FAF1: variants seen among roughly 807,000 people sequenced by gnomAD.
FAF1 encodes FAS-associated factor 1.
In FAF1, 25 loss-of-function variants were observed where a neutral mutation model predicts 92.5. That is an observed-to-expected ratio of 0.27 (90% CI 0.20 to 0.38). The LOEUF is 0.38. FAF1 is among the 10% of genes least tolerant of loss of function. The pLI is 1.00. For synonymous variants in FAF1, 234 were observed against 273.2 expected, an observed-to-expected ratio of 0.86 and a Z score of 1.42; for missense variants, 636 against 793.3, an observed-to-expected ratio of 0.80 and a Z score of 2.38.
intron 8 of FAF1, among the ~76,000 whole-genome samples, chr1:50,624,169 A>G (rs2124186430): frequency 6.6e-6 from 1 of 152,058 alleles, no homozygotes; most frequent in South Asian, 2.1e-4. Flanking sequence ...TTTTTTTCAG[A>G]TGCAGTCTAT....
chr1:50,678,288 G>T (rs1453198750), intron 7 of FAF1, among the ~76,000 whole-genome samples: 1 of 152,210 alleles, frequency 6.6e-6, no homozygotes, highest in Admixed American at 6.5e-5. Flanking sequence ...ATAGTTCAAG[G>T]GGGGTGGGAG....
intron 15 of FAF1, among the ~76,000 whole-genome samples, chr1:50,503,684 G>A (rs1647020286): frequency 6.6e-6 from 1 of 151,946 alleles, no homozygotes; most frequent in African/African-American, 2.4e-5. Context: ...TATCCATGTG[G>A]TGGAATACTA....
At chr1:50,812,602 G>A (rs1457578607) in intron 2 of FAF1, among the ~76,000 whole-genome samples, 1 of 152,170 alleles carries the variant, frequency 6.6e-6, no homozygotes, top group Non-Finnish European at 1.5e-5. Flanking sequence ...CAGAGAAAAG[G>A]GAGTGCTTAC....
At chr1:50,821,335 A>G (rs188624815) in intron 2 of FAF1, among the ~76,000 whole-genome samples, 12 of 152,320 alleles carry the variant, frequency 7.9e-5, no homozygotes, top group East Asian at 5.8e-4. Flanking sequence ...GCCAGAAATC[A>G]TATTTTTTTA....
At chr1:50,903,280 C>T (rs1037072020) in intron 1 of FAF1, among the ~76,000 whole-genome samples, 11 of 152,204 alleles carry the variant, frequency 7.2e-5, no homozygotes, top group Non-Finnish European at 1.3e-4. Flanking sequence ...CTTAATTATC[C>T]CTACCCTCTA....
rs978246761 is a variant in FAF1 at position 50,651,291 on chromosome 1, A to G, written c.744+4151T>C. 9.8e-5 allele frequency among the ~76,000 whole-genome samples: 15 copies of G among 152,358 alleles called. 1 individual carries two copies. In the South Asian group the frequency reaches 3.1e-3, roughly 32 times the overall value. On this transcript the variant is annotated intron_variant, in intron 8 of 18. Transcript: ENST00000396153. ...GTTAATTAACTTCTTTTTTAAAAAA[A>G]TAGCTTCACTGAGGCATAATTTATA...
At chr1:50,472,338 T>A (rs1423124292) in intron 18 of FAF1, among the ~76,000 whole-genome samples, 1 of 150,532 alleles carries the variant, frequency 6.6e-6, no homozygotes, top group Admixed American at 6.7e-5. Context: ...CTTCTCTTAG[T>A]AACTGTTATT....
At chr1:50,905,315 T>A (rs1369457415) in intron 1 of FAF1, among the ~76,000 whole-genome samples, 1 of 152,194 alleles carries the variant, frequency 6.6e-6, no homozygotes, top group East Asian at 1.9e-4. Flanking sequence ...GTTCCAAGTC[T>A]TTGCTATTGT....
chr1:50,952,560 T>C (rs553210755), intron 1 of FAF1, among the ~76,000 whole-genome samples: 6 of 151,098 alleles, frequency 4.0e-5, no homozygotes, highest in Non-Finnish European at 7.4e-5. Context: ...CGTCTCTGCC[T>C]GGCCACCCAT....
intron 1 of FAF1, 136 bp from the exon 2 acceptor site, chr1:50,858,133 T>C (rs1164150158): frequency 3.8e-6 from 2 of 524,682 alleles, no homozygotes; most frequent in East Asian, 6.6e-5. Flanking sequence ...ACTAAAAGTT[T>C]AACACTTCTA....
Position 50,441,353 on chromosome 1 carries a change from G to A in FAF1, c.*87C>T. The stretch of plus-strand genomic sequence containing the variant: ...TGTGACATTGAATTGAGTGAGACGA[G>A]CGTGTGGGTGGGTTGGCGAGGAGCC... On this transcript the variant is annotated 3_prime_UTR_variant, in exon 19 of 19. Transcript: ENST00000396153. The A allele has an allele frequency of 4.4e-6, 3 of 686,504 alleles. No individual in the cohort carries two copies. Among genetic ancestry groups the A allele is most frequent in the South Asian group, 4.3e-5 (2 of 46,330 alleles). The allele number at this position is 686,504 out of a possible 1,614,324, so 42.5% of individuals were successfully genotyped here. A position where few individuals can be genotyped will look rare whatever the true frequency, so the allele number is the denominator to read the frequency against.
intron 7 of FAF1, among the ~76,000 whole-genome samples, chr1:50,704,391 C>T (rs1440229797): frequency 3.3e-5 from 5 of 152,050 alleles, no homozygotes; most frequent in Non-Finnish European, 5.9e-5. Flanking sequence ...ATTATCAAGT[C>T]AGCAATAAAA....
At chr1:50,778,496 C>A (rs1569932647) in intron 4 of FAF1, among the ~76,000 whole-genome samples, 1 of 152,146 alleles carries the variant, frequency 6.6e-6, no homozygotes, top group Admixed American at 6.5e-5. Context: ...AGAAACCTTA[C>A]TGATAACATA....
At chr1:50,676,144 T>C (rs1293557632) in intron 7 of FAF1, among the ~76,000 whole-genome samples, 1 of 152,224 alleles carries the variant, frequency 6.6e-6, no homozygotes, top group Non-Finnish European at 1.5e-5. Context: ...CAGTGGCTCA[T>C]GCCTGTAATC....
At chr1:50,760,858 A>G (rs1660296210) in intron 4 of FAF1, among the ~76,000 whole-genome samples, 1 of 152,198 alleles carries the variant, frequency 6.6e-6, no homozygotes, top group South Asian at 2.1e-4. Flanking sequence ...TGAAGGAAAT[A>G]GAGACACAAA....
intron 6 of FAF1, among the ~76,000 whole-genome samples, chr1:50,724,306 C>CACACACACAT (rs1553132431): frequency 1.4e-4 from 20 of 145,312 alleles, no homozygotes; most frequent in African/African-American, 4.2e-4. Flanking sequence ...TACACACACA[C>CACACACACAT]ACACACACAC....
At chr1:50,738,165 C>T (rs1659215235) in intron 6 of FAF1, among the ~76,000 whole-genome samples, 1 of 152,036 alleles carries the variant, frequency 6.6e-6, no homozygotes, top group African/African-American at 2.4e-5. Context: ...TTTACATCAC[C>T]AGGCACAGTG....
At chr1:50,791,287 A>G (rs1180951295) in intron 3 of FAF1, among the ~76,000 whole-genome samples, 1 of 152,362 alleles carries the variant, frequency 6.6e-6, no homozygotes, top group African/African-American at 2.4e-5. Context: ...ATAACTTCTC[A>G]GAACTGAAGA....
chr1:50,838,284 A>T (rs974014599), intron 2 of FAF1, among the ~76,000 whole-genome samples: 1 of 151,948 alleles, frequency 6.6e-6, no homozygotes, highest in Non-Finnish European at 1.5e-5. Context: ...ATCAACTGAT[A>T]TTTTCAAAGC....
Sources: gnomAD v4.1 joint callset for allele counts (sites outside exome capture counted in the v4.1 genomes callset) on GRCh38, gnomAD v4.1.1 for gene constraint, MANE v1.5 for transcripts, NCBI Gene and HGNC (gene_info 2026-07-23, HGNC 2026-07-21) for gene names.